Variants in ANKRD18A observed in about 807,000 individuals in gnomAD.
ANKRD18A encodes ankyrin repeat domain 18A.
ANKRD18A carries 72 observed loss-of-function variants against 110.6 expected under a neutral mutation model. The observed-to-expected ratio is 0.65, with a 90% confidence interval of 0.54 to 0.79. ANKRD18A has a LOEUF of 0.79. ANKRD18A is among the 30% of genes least tolerant of loss of function. The pLI is 0.00. For synonymous variants in ANKRD18A, 305 were observed against 410.3 expected, an observed-to-expected ratio of 0.74 and a Z score of 3.10; for missense variants, 934 against 1,163.3, an observed-to-expected ratio of 0.80 and a Z score of 2.87.
chr9:38,582,491 G>C (rs3005817), intron 12 of ANKRD18A, among the ~76,000 whole-genome samples: 1 of 152,016 alleles, frequency 6.6e-6, no homozygotes, highest in Admixed American at 6.5e-5. Flanking sequence ...TTTGGTCCTC[G>C]TATAAGAATA....
chr9:38,574,891 C>T (rs1467537591), intron 15 of ANKRD18A, among the ~76,000 whole-genome samples: 1 of 151,742 alleles, frequency 6.6e-6, no homozygotes, highest in Non-Finnish European at 1.5e-5. Flanking sequence ...GTCAAGAGTT[C>T]GAGACCTGCC....
chr9:38,611,189 A>C, intron 4 of ANKRD18A, 26 bp downstream of exon 4: 1 of 1,523,100 alleles, frequency 6.6e-7, no homozygotes, highest in South Asian at 1.3e-5. Context: ...AGGAAAAAAG[A>C]AAACAAAAAA....
chr9:38,610,754 C>T (rs1017974670), intron 4 of ANKRD18A, among the ~76,000 whole-genome samples: 3 of 151,728 alleles, frequency 2.0e-5, no homozygotes, highest in African/African-American at 7.3e-5. Context: ...CATTGCTTTC[C>T]CATTGCTTTG....
chr9:38,582,219 C>T (rs189268519), intron 12 of ANKRD18A, among the ~76,000 whole-genome samples: 38 of 152,154 alleles, frequency 2.5e-4, no homozygotes, highest in African/African-American at 8.4e-4. Context: ...GATACTGCGA[C>T]CAAAATTTAC....
At chr9:38,587,187 T>C (rs1438693455) in intron 11 of ANKRD18A, among the ~76,000 whole-genome samples, 3 of 152,124 alleles carry the variant, frequency 2.0e-5, no homozygotes, top group Non-Finnish European at 4.4e-5. Flanking sequence ...GAGAGAGATA[T>C]GTGATGATTT....
intron 15 of ANKRD18A, chr9:38,573,019 A>G: frequency 5.2e-6 from 5 of 958,558 alleles, no homozygotes; most frequent in Non-Finnish European, 7.4e-6. Context: ...AAGGAATGCC[A>G]TTTGCTATTT....
chr9:38,600,682 CAGA>C (rs1189226386), intron 8 of ANKRD18A, among the ~76,000 whole-genome samples: 2 of 152,156 alleles, frequency 1.3e-5, no homozygotes, highest in Admixed American at 6.5e-5. Flanking sequence ...AACCAAAAAA[CAGA>C]AGAAGTCTTT....
Position 38,596,623 on chromosome 9 carries a change from C to A in ANKRD18A, c.937-220G>T, listed in dbSNP as rs541339413. On this transcript the variant is annotated intron_variant, in intron 8 of 15. Coordinates refer to ENST00000399703, the MANE Select transcript of ANKRD18A (RefSeq NM_147195.4). ...GAAGTCAATGAATCCATAAAATACA[C>A]ACACACACACTCTAGAGAATTTTTA... 1.0e-3 allele frequency among the ~76,000 whole-genome samples: 156 copies of A among 152,222 alleles called. 1 individual carries two copies. The Middle Eastern group carries it at 0.017, about 17-fold the overall frequency.
chr9:38,595,770 T>C lies in ANKRD18A; in HGVS notation c.1570A>G (p.Met524Val), dbSNP rs546067329. 4.5e-6 allele frequency: 7 copies of C among 1,551,364 alleles called. No homozygotes were observed. The highest frequency in any genetic ancestry group is 1.4e-5 in the African/African-American group (1 of 73,110). Residue 524 changes from methionine to valine, a missense_variant, in exon 9 of 16, where the codon ATG becomes GTG. Physicochemically the swap from Met to Val is conservative, Grantham distance 21 (BLOSUM62 1). Coordinates refer to ENST00000399703, the MANE Select transcript of ANKRD18A (RefSeq NM_147195.4). ...AQHRIKEMKQ[M>V]HPNGEAKESQ... ...TCTTTAGCTTCTCCATTTGGATGCA[T>C]CTGCTTCATTTCCTTTATTCGATGC...
At chr9:38,595,421 A>G in intron 9 of ANKRD18A, 65 bp downstream of exon 9, 15 of 1,340,158 alleles carry the variant, frequency 1.1e-5, no homozygotes, top group Non-Finnish European at 1.5e-5. Flanking sequence ...ACTAGGTTCA[A>G]CATATAGCCA....
intron 8 of ANKRD18A, among the ~76,000 whole-genome samples, chr9:38,597,893 A>T (rs1200614187): frequency 1.3e-5 from 2 of 152,186 alleles, no homozygotes; most frequent in African/African-American, 4.8e-5. Context: ...ATTAAACAAC[A>T]TCATGTAAAA....
downstream of ANKRD18A, chr9:38,566,543 C>T (rs1423936324): frequency 6.6e-6 from 1 of 152,234 alleles, no homozygotes; most frequent in Non-Finnish European, 1.5e-5. Context: ...GCCCTCCAAA[C>T]TCTTCCAACC....
chr9:38,576,321 T>G (rs184234773), intron 14 of ANKRD18A, among the ~76,000 whole-genome samples: 3 of 152,138 alleles, frequency 2.0e-5, no homozygotes, highest in Admixed American at 6.5e-5. Flanking sequence ...ACTAGACTGG[T>G]TGGTTGGTGA....
At chr9:38,598,534 CT>C (rs1007628451) in intron 8 of ANKRD18A, among the ~76,000 whole-genome samples, 21 of 152,304 alleles carry the variant, frequency 1.4e-4, no homozygotes, top group African/African-American at 4.6e-4. Flanking sequence ...TATAGTTGAA[CT>C]TTTTTTCTTC....
Position 38,620,401 on chromosome 9 carries a change from C to G in ANKRD18A, c.-116G>C, listed in dbSNP as rs1459173631. ...TCTCCCCCGCAACCCGCGATCCCCC[C>G]CGCAACCCGCGATCCACCCCCAAAT... On this transcript the variant is annotated 5_prime_UTR_variant, in exon 1 of 16. Coordinates refer to ENST00000399703, the MANE Select transcript of ANKRD18A (RefSeq NM_147195.4). 5.2e-6 allele frequency: 7 copies of G among 1,357,166 alleles called. No homozygotes were observed. Among genetic ancestry groups the G allele is most frequent in the Non-Finnish European group, 6.9e-6 (7 of 1,018,764 alleles). The allele number at this position is 1,357,166 out of a possible 1,614,324, so 84.1% of individuals were successfully genotyped here.
intron 15 of ANKRD18A, among the ~76,000 whole-genome samples, chr9:38,573,799 C>T (rs1009190353): frequency 1.3e-5 from 2 of 152,032 alleles, no homozygotes; most frequent in African/African-American, 2.4e-5. Flanking sequence ...TAGCAAAACT[C>T]TGTCCTTTAC....
chr9:38,575,885 G>A (rs1443836453), intron 14 of ANKRD18A, among the ~76,000 whole-genome samples, 187 bp from the exon 15 acceptor site: 2 of 152,200 alleles, frequency 1.3e-5, no homozygotes, highest in African/African-American at 4.8e-5. Context: ...TCCTAAATAA[G>A]TATATGTGTT....
chr9:38,575,316 T>TA (rs1491518555), intron 15 of ANKRD18A, among the ~76,000 whole-genome samples, 160 bp downstream of exon 15: 3 of 152,166 alleles, frequency 2.0e-5, no homozygotes, highest in Non-Finnish European at 4.4e-5. Flanking sequence ...TCCAGGGAAT[T>TA]AAAAAATGTA....
chr9:38,590,343 C>T (rs977355068), intron 10 of ANKRD18A, among the ~76,000 whole-genome samples: 3 of 151,788 alleles, frequency 2.0e-5, no homozygotes, highest in African/African-American at 7.3e-5. Context: ...CTGCAACTTC[C>T]ACCTCCTGGG....
Sources: allele counts gnomAD v4.1 joint callset (sites outside exome capture counted in the v4.1 genomes callset), GRCh38; gene constraint gnomAD v4.1.1; transcripts MANE v1.5; gene names NCBI Gene and HGNC (gene_info 2026-07-23, HGNC 2026-07-21).